Variants in SYT16 observed in about 807,000 individuals in gnomAD.
The protein encoded by SYT16 is synaptotagmin-16.
In SYT16, 42 loss-of-function variants were observed where a neutral mutation model predicts 61.4. The observed-to-expected ratio is 0.68, with a 90% CI of 0.53 to 0.89. The LOEUF (loss-of-function observed/expected upper bound fraction) is 0.89. Among genes scored for constraint, SYT16 ranks in the 40% least tolerant of loss-of-function variants. SYT16 has a pLI of 0.00. For synonymous variants in SYT16, 314 were observed against 302.3 expected (o/e 1.04, Z -0.40); for missense variants, 804 against 807.3 (o/e 1.00, Z 0.05).
intron 1 of SYT16, among the ~76,000 whole-genome samples, chr14:61,846,621 TG>T (rs1464774401): frequency 6.6e-6 from 1 of 152,188 alleles, no homozygotes. Flanking sequence ...TCTGCCAGCC[TG>T]CATCTTTTGA....
intron 7 of SYT16, among the ~76,000 whole-genome samples, chr14:62,088,994 C>G (rs1317577405): frequency 6.7e-6 from 1 of 150,360 alleles, no homozygotes; most frequent in Non-Finnish European, 1.5e-5. Flanking sequence ...AGATGTCACT[C>G]TATTTCCCTA....
rs2057415804 is a variant in SYT16 at position 62,101,410 on chromosome 14, G to A, written c.*703G>A. 1 of 152,240 alleles carries A rather than the reference G, an allele frequency of 6.6e-6. No individual in the cohort carries two copies. The highest frequency in any genetic ancestry group is 1.9e-4 in the East Asian group (1 of 5,184). The allele number at this position is 152,240 out of a possible 1,614,324, so 9.4% of individuals were successfully genotyped here. On this transcript the variant is annotated 3_prime_UTR_variant, in exon 8 of 8. Coordinates refer to ENST00000683842, the MANE Select transcript of SYT16 (RefSeq NM_001367656.1). The stretch of plus-strand genomic sequence containing the variant: ...AGACAACTTGTCTCCTTTTGAATAT[G>A]TAAGATTTCAAACTTGTGACTTTCA...
At chr14:61,895,260 T>TAAA (rs2048287008) in intron 1 of SYT16, among the ~76,000 whole-genome samples, 6 of 152,154 alleles carry the variant, frequency 3.9e-5, no homozygotes, top group African/African-American at 1.2e-4. Flanking sequence ...AAATTTTTTT[T>TAAA]AAAAAAATCA....
chr14:61,950,894 C>T (rs1317437964), intron 1 of SYT16, among the ~76,000 whole-genome samples: 1 of 152,070 alleles, frequency 6.6e-6, no homozygotes, highest in Admixed American at 6.5e-5. Flanking sequence ...TTTTTGTTTT[C>T]TTTTCCCCCA....
intron 1 of SYT16, among the ~76,000 whole-genome samples, chr14:61,843,152 C>T (rs1045497601): frequency 6.6e-6 from 1 of 151,706 alleles, no homozygotes; most frequent in Non-Finnish European, 1.5e-5. Flanking sequence ...TTTTTTGGAA[C>T]CTCCCAACTG....
chr14:62,036,232 G>T (rs1285283023), intron 3 of SYT16, among the ~76,000 whole-genome samples: 1 of 152,118 alleles, frequency 6.6e-6, no homozygotes, highest in African/African-American at 2.4e-5. Flanking sequence ...GTTAAAGTTG[G>T]AAATGAGAGT....
chr14:62,056,962 AAGTC>A (rs1450851526), intron 3 of SYT16, among the ~76,000 whole-genome samples: 1 of 152,146 alleles, frequency 6.6e-6, no homozygotes, highest in Non-Finnish European at 1.5e-5. Context: ...GGAGGCATGA[AAGTC>A]AGACGTGTTC....
At chr14:61,951,497 C>T (rs1350265745) in intron 1 of SYT16, among the ~76,000 whole-genome samples, 1 of 152,144 alleles carries the variant, frequency 6.6e-6, no homozygotes, top group Non-Finnish European at 1.5e-5. Flanking sequence ...AATAAAGTTA[C>T]AAACAAATCA....
chr14:61,958,809 T>C (rs967566899), intron 1 of SYT16, among the ~76,000 whole-genome samples: 1 of 152,116 alleles, frequency 6.6e-6, no homozygotes, highest in African/African-American at 2.4e-5. Flanking sequence ...TTATTGATTT[T>C]TTTTGTCTAG....
chr14:61,957,492 T>C (rs987881337), intron 1 of SYT16, among the ~76,000 whole-genome samples: 1 of 151,982 alleles, frequency 6.6e-6, no homozygotes, highest in African/African-American at 2.4e-5. Context: ...TCTATACTTA[T>C]TGAGAGTTTT....
chr14:62,088,597 A>T (rs2056965273), intron 7 of SYT16, among the ~76,000 whole-genome samples: 2 of 152,212 alleles, frequency 1.3e-5, no homozygotes, highest in South Asian at 4.1e-4. Context: ...TGAGCTTTGT[A>T]CATTTCACTT....
At chr14:61,983,652 A>G (rs1178039595) in intron 2 of SYT16, among the ~76,000 whole-genome samples, 2 of 152,024 alleles carry the variant, frequency 1.3e-5, no homozygotes, top group African/African-American at 4.8e-5. Flanking sequence ...CAGTTTCCTA[A>G]GTAGCTTGGA....
chr14:61,840,438 C>G (rs2046269725), intron 1 of SYT16, among the ~76,000 whole-genome samples: 3 of 152,018 alleles, frequency 2.0e-5, no homozygotes, highest in Non-Finnish European at 4.4e-5. Flanking sequence ...TGGGGATATA[C>G]ATGTTGATGA....
intron 3 of SYT16, among the ~76,000 whole-genome samples, chr14:62,031,527 G>A (rs1474165266): frequency 1.3e-5 from 2 of 152,178 alleles, no homozygotes; most frequent in African/African-American, 4.8e-5. Flanking sequence ...AGGGGCAAAT[G>A]TGAGCCTGGA....
intron 2 of SYT16, among the ~76,000 whole-genome samples, chr14:61,977,993 C>T (rs1453091098): frequency 6.6e-6 from 1 of 152,126 alleles, no homozygotes; most frequent in African/African-American, 2.4e-5. Flanking sequence ...GGCAGTCATC[C>T]TTGGCATTCT....
chr14:61,833,417 C>T (rs8007464), intron 1 of SYT16, among the ~76,000 whole-genome samples: 21,311 of 151,526 alleles, frequency 0.14, 1,558 homozygotes, highest in African/African-American at 0.18. Flanking sequence ...CTCAGCCTCC[C>T]GAGTAGCTGG....
At chr14:61,999,140 T>C (rs1311109214) in intron 3 of SYT16, among the ~76,000 whole-genome samples, 1 of 151,868 alleles carries the variant, frequency 6.6e-6, no homozygotes, top group African/African-American at 2.4e-5. Context: ...TAATGTTGAC[T>C]TCATAAAATG....
intron 1 of SYT16, among the ~76,000 whole-genome samples, chr14:61,821,256 T>C (rs763584134): frequency 1.2e-4 from 19 of 152,044 alleles, no homozygotes; most frequent in Non-Finnish European, 1.9e-4. Flanking sequence ...CTTTCCTAAC[T>C]AGCCCAAATC....
chr14:61,976,242 GC>G (rs1170665406), intron 2 of SYT16, among the ~76,000 whole-genome samples: 10 of 152,198 alleles, frequency 6.6e-5, no homozygotes, highest in Non-Finnish European at 5.9e-5. Context: ...CCTCCTGGTT[GC>G]TTTCATGGGC....
Sources: gnomAD v4.1 joint callset for allele counts (sites outside exome capture counted in the v4.1 genomes callset) on GRCh38, gnomAD v4.1.1 for gene constraint, MANE v1.5 for transcripts, NCBI Gene and HGNC (gene_info 2026-07-23, HGNC 2026-07-21) for gene names.